COMT: variants seen among roughly 807,000 people sequenced by gnomAD.
COMT encodes catechol O-methyltransferase.
COMT carries 13 observed loss-of-function variants against 18.9 expected under a neutral mutation model. That is an observed-to-expected ratio of 0.69 (90% CI 0.45 to 1.09). The LOEUF (loss-of-function observed/expected upper bound fraction) is 1.09, where lower values mean the gene tolerates loss of function less well. COMT is among the 50% of genes least tolerant of loss of function. COMT has a pLI of 0.00. For missense variants in COMT, 329 were observed against 361.8 expected, an observed-to-expected ratio of 0.91 and a Z score of 0.73; for synonymous variants, 150 against 160.9, an observed-to-expected ratio of 0.93 and a Z score of 0.51.
intron 1 of COMT, among the ~76,000 whole-genome samples, chr22:19,948,411 T>C (rs774252948): frequency 4.6e-5 from 7 of 152,122 alleles, no homozygotes; most frequent in Admixed American, 2.6e-4. Flanking sequence ...TCCCAACACT[T>C]TGGGAGTCCG....
intron 1 of COMT, among the ~76,000 whole-genome samples, chr22:19,944,770 C>T (rs891866488): frequency 1.9e-4 from 29 of 151,934 alleles, no homozygotes; most frequent in Admixed American, 1.8e-3. Context: ...TGCAATGAGC[C>T]GAGATCACAC....
rs768474006 is a variant in COMT, at chr22:19,964,111, T to A, written c.484-57T>A. ...GCACTGACAGGCGCTGTTGTATAGGTGTGTAGGGATGGCCTCCTGTCTGTG... is the reference window on the plus strand; with the variant it reads ...GCACTGACAGGCGCTGTTGTATAGGAGTGTAGGGATGGCCTCCTGTCTGTG... On this transcript the variant is annotated intron_variant, in intron 4 of 5. Transcript: ENST00000361682. 19 of 1,613,328 alleles carry A rather than the reference T, an allele frequency of 1.2e-5. 1 individual carries two copies. In the South Asian group the frequency reaches 1.9e-4, roughly 16 times the overall value.
rs34686565 is a variant in COMT at position 19,961,322 on chromosome 22, A to G, written c.-1+33A>G. 5.5e-3 allele frequency: 832 copies of G among 152,640 alleles called. 8 individuals carry two copies. Among genetic ancestry groups the G allele is most frequent in the African/African-American group, 0.019 (809 of 41,578 alleles). 9.5% of individuals were successfully genotyped at this position (152,640 alleles called of 1,614,324 possible). A position where few individuals can be genotyped will look rare whatever the true frequency, so the allele number is the denominator to read the frequency against. ...GGCCAACGGAAGCCGGGGCAGTGCCAGGGTGGGTACAGATTCCGGCCCGGT... is the reference window on the plus strand; with the variant it reads ...GGCCAACGGAAGCCGGGGCAGTGCCGGGGTGGGTACAGATTCCGGCCCGGT... On this transcript the variant is annotated intron_variant, in intron 2 of 5. Coordinates refer to ENST00000361682, the MANE Select transcript of COMT (RefSeq NM_000754.4).
chr22:19,957,053 C>T (rs572836479), intron 1 of COMT, among the ~76,000 whole-genome samples: 4 of 151,140 alleles, frequency 2.6e-5, no homozygotes, highest in South Asian at 2.1e-4. Flanking sequence ...GGGGTTCACG[C>T]CATTCTCCTG....
At chr22:19,963,318 G>T (rs1942246615) in intron 3 of COMT, 1 of 599,864 alleles carries the variant, frequency 1.7e-6, no homozygotes, top group Non-Finnish European at 3.0e-6. Flanking sequence ...ACCAGCGTGA[G>T]CATAGAGGCT....
At chr22:19,951,975 G>A (rs1378942066) in intron 1 of COMT, among the ~76,000 whole-genome samples, 1 of 152,142 alleles carries the variant, frequency 6.6e-6, no homozygotes. Flanking sequence ...GCTTTGAAGG[G>A]GGCTGGGATC....
chr22:19,945,887 G>A (rs901018064), intron 1 of COMT, among the ~76,000 whole-genome samples: 3 of 152,126 alleles, frequency 2.0e-5, no homozygotes, highest in Admixed American at 1.3e-4. Context: ...GGATGGTCTC[G>A]CTCTCCAGAC....
intron 4 of COMT, 42 bp downstream of exon 4, chr22:19,963,801 G>T: frequency 6.3e-7 from 1 of 1,588,768 alleles, no homozygotes; most frequent in South Asian, 1.1e-5. Flanking sequence ...AAAAAGGGCC[G>T]GCTGTGGGCA....
intron 3 of COMT, 101 bp downstream of exon 3, chr22:19,962,916 G>A: frequency 3.5e-6 from 5 of 1,424,842 alleles, no homozygotes; most frequent in East Asian, 2.4e-5. Flanking sequence ...TTTCCAGGGG[G>A]CTGGGAACCC....
intron 1 of COMT, among the ~76,000 whole-genome samples, chr22:19,947,157 C>T (rs1941852027): frequency 6.6e-6 from 1 of 152,090 alleles, no homozygotes; most frequent in African/African-American, 2.4e-5. Context: ...CCCAGGTGAC[C>T]TGCCCACCTT....
intron 5 of COMT, among the ~76,000 whole-genome samples, chr22:19,966,355 G>A (rs562125892): frequency 2.4e-4 from 37 of 151,392 alleles, no homozygotes; most frequent in Non-Finnish European, 2.8e-4. Flanking sequence ...ATCAAGGGCT[G>A]CTTTGAGGAG....
chr22:19,962,542 C>A lies in COMT; in HGVS notation c.16C>A (p.Pro6Thr). 1 of 1,555,020 alleles carries A rather than the reference C, an allele frequency of 6.4e-7. No individual in the cohort carries two copies. Among genetic ancestry groups the A allele is most frequent in the Non-Finnish European group, 8.7e-7 (1 of 1,151,010 alleles). Residue 6 changes from proline (P) to threonine (T), a missense_variant, in exon 3 of 6, where the codon CCT becomes ACT. Coordinates refer to ENST00000361682, the MANE Select transcript of COMT (RefSeq NM_000754.4). MPEAPPLLLAAVLLGL... is the reference protein window; with the variant it reads MPEAPTLLLAAVLLGL... Reference sequence around the variant, plus strand: ...CGCCCTGCAGATGCCGGAGGCCCCGCCTCTGCTGTTGGCAGCTGTGTTGCT... The same window carrying A: ...CGCCCTGCAGATGCCGGAGGCCCCGACTCTGCTGTTGGCAGCTGTGTTGCT...
intron 1 of COMT, chr22:19,951,568 C>G (rs1941939702): frequency 6.6e-6 from 1 of 152,140 alleles, no homozygotes; most frequent in Admixed American, 6.6e-5. Context: ...CCGGTTGTTG[C>G]ATCCGAGGGT....
At chr22:19,951,314 A>G (rs174687) in intron 1 of COMT, among the ~76,000 whole-genome samples, 136,465 of 146,512 alleles carry the variant, frequency 0.93, 63,955 homozygotes, top group African/African-American at 0.99. Context: ...AGCCGAGATT[A>G]TGCCACTGCA....
chr22:19,959,652 C>T lies in COMT; in HGVS notation c.-91-1547C>T, dbSNP rs1942146840. 2.0e-5 allele frequency among the ~76,000 whole-genome samples: 3 copies of T among 151,804 alleles called. No homozygotes were observed. In the South Asian group the frequency reaches 6.2e-4, roughly 31 times the overall value. On this transcript the variant is annotated intron_variant, in intron 1 of 5. Coordinates refer to ENST00000361682, the MANE Select transcript of COMT (RefSeq NM_000754.4). ...AGTCCCTCTGCTCAGGGCTTCAGTTCACACTCACAAGGGAATCCCAGCGCT... is the reference window on the plus strand; with the variant it reads ...AGTCCCTCTGCTCAGGGCTTCAGTTTACACTCACAAGGGAATCCCAGCGCT...
At position 19,959,802 on chromosome 22, in the gene COMT, CCCA is replaced by C. The variant is rs1569131216; in HGVS notation, c.-91-1396_-91-1394del. ...TTTGGCCTTGAGCACTTCCCCATCC[CCCA>C]TGGCTCTTGGCCGTTGGGGCCCAGT... On this transcript the variant is annotated intron_variant, in intron 1 of 5. Coordinates refer to ENST00000361682, the MANE Select transcript of COMT (RefSeq NM_000754.4). 1.0e-4 allele frequency among the ~76,000 whole-genome samples: 3 copies of C among 29,168 alleles called. No homozygotes were observed. In the Non-Finnish European group the frequency reaches 1.0e-3, roughly 10 times the overall value. 19.1% of individuals were successfully genotyped at this position (29,168 alleles called of 152,430 possible). A position where few individuals can be genotyped will look rare whatever the true frequency, so the allele number is the denominator to read the frequency against.
At chr22:19,943,152 G>A (rs1447970549) in intron 1 of COMT, among the ~76,000 whole-genome samples, 1 of 152,198 alleles carries the variant, frequency 6.6e-6, no homozygotes, top group Non-Finnish European at 1.5e-5. Context: ...TAAGGAGCCT[G>A]GCTGGAGTGT....
At chr22:19,959,090 C>T (rs1305938330) in intron 1 of COMT, among the ~76,000 whole-genome samples, 1 of 152,154 alleles carries the variant, frequency 6.6e-6, no homozygotes, top group Non-Finnish European at 1.5e-5. Flanking sequence ...ATAGGGGGTC[C>T]CGAGTCGGAC....
At chr22:19,951,227 TGGG>T (rs1433982065) in intron 1 of COMT, among the ~76,000 whole-genome samples, 1 of 151,910 alleles carries the variant, frequency 6.6e-6, no homozygotes, top group Non-Finnish European at 1.5e-5. Flanking sequence ...GGCGTTGTGG[TGGG>T]CACCTATAGT....
Sources: allele counts gnomAD v4.1 joint callset (sites outside exome capture counted in the v4.1 genomes callset), GRCh38; gene constraint gnomAD v4.1.1; transcripts MANE v1.5; gene names NCBI Gene and HGNC (gene_info 2026-07-23, HGNC 2026-07-21).